Variants in ANKRD26 observed in about 807,000 individuals in gnomAD.
ANKRD26 encodes ankyrin repeat domain-containing protein 26.
ANKRD26 carries 141 observed loss-of-function variants against 208.7 expected under a neutral mutation model. The observed-to-expected ratio is 0.68, with a 90% CI of 0.59 to 0.78. The LOEUF is 0.78. ANKRD26 is among the 30% of genes least tolerant of loss of function. ANKRD26 has a pLI of 0.00. For synonymous variants in ANKRD26, 636 were observed against 660.4 expected (o/e 0.96, Z 0.57); for missense variants, 1,889 against 1,938.7 (o/e 0.97, Z 0.48).
downstream of ANKRD26, among the ~76,000 whole-genome samples, chr10:26,969,001 T>C (rs140860540): frequency 3.9e-5 from 6 of 152,296 alleles, no homozygotes; most frequent in East Asian, 9.6e-4. Context: ...AAATCTCAGA[T>C]TTCAATTGGC....
the ANKRD26 span, among the ~76,000 whole-genome samples, chr10:26,967,085 G>A: frequency 2.0e-5 from 3 of 151,768 alleles, no homozygotes; most frequent in African/African-American, 7.2e-5. Flanking sequence ...CTGGGAGTAA[G>A]TAAGTTTTTG....
intron 28 of ANKRD26, 108 bp from the exon 29 acceptor site, chr10:27,022,795 G>T: frequency 2.9e-6 from 3 of 1,027,726 alleles, no homozygotes; most frequent in Non-Finnish European, 4.2e-6. Context: ...AATGAATCAT[G>T]ATTCTCTCGT....
At chr10:27,067,512 T>C (rs1336784853) in intron 9 of ANKRD26, among the ~76,000 whole-genome samples, 3 of 151,950 alleles carry the variant, frequency 2.0e-5, no homozygotes, top group Non-Finnish European at 4.4e-5. Context: ...ATAGGAGGCA[T>C]AGCAGCTTCT....
chr10:27,017,376 C>T (rs2053331982), intron 30 of ANKRD26, 126 bp downstream of exon 30: 2 of 905,634 alleles, frequency 2.2e-6, no homozygotes. Context: ...GAAACAGATG[C>T]CATCATCCTT....
chr10:26,963,508 C>T, the ANKRD26 span, among the ~76,000 whole-genome samples: 1 of 152,182 alleles, frequency 6.6e-6, no homozygotes. Context: ...TGCTACCATG[C>T]TGCCCATTCC....
rs2053194975 is a variant in ANKRD26 at position 27,013,685 on chromosome 10, CCTTTTA to C, written c.4725-581_4725-576del. On this transcript the variant is annotated intron_variant, in intron 31 of 33. Coordinates refer to ENST00000376087, the MANE Select transcript of ANKRD26 (RefSeq NM_014915.3). ...ATGTGCAAGCATTTGCTTTCACCAC[CCTTTTA>C]CATTTATTTCACCCATTATCTGGAA... Among the ~76,000 whole-genome samples, 3 of 152,116 alleles carry C rather than the reference CCTTTTA, an allele frequency of 2.0e-5. No individual in the cohort carries two copies. The South Asian group carries it at 6.2e-4, about 32-fold the overall frequency.
chr10:27,056,955 G>A (rs1355260180), intron 15 of ANKRD26, among the ~76,000 whole-genome samples: 1 of 152,128 alleles, frequency 6.6e-6, no homozygotes, highest in Non-Finnish European at 1.5e-5. Context: ...AGCTCCAATA[G>A]TAATCTTTCC....
intron 9 of ANKRD26, among the ~76,000 whole-genome samples, chr10:27,068,946 C>A (rs2055371119): frequency 6.6e-6 from 1 of 151,684 alleles, no homozygotes; most frequent in African/African-American, 2.4e-5. Context: ...GTAATCCCAG[C>A]ACTTTGGGAG....
intron 23 of ANKRD26, 100 bp downstream of exon 23, chr10:27,037,086 G>A (rs903002328): frequency 1.0e-5 from 13 of 1,274,278 alleles, no homozygotes; most frequent in East Asian, 2.5e-5. Context: ...AAAAATCCTC[G>A]ACACTTTCCA....
intron 4 of ANKRD26, among the ~76,000 whole-genome samples, chr10:26,998,518 T>A (rs1042017623): frequency 6.6e-6 from 1 of 152,216 alleles, no homozygotes; most frequent in Non-Finnish European, 1.5e-5. Context: ...GAAACAAGTA[T>A]GTGTACCAGC....
At chr10:26,973,034 T>A (rs574647572), downstream of ANKRD26, among the ~76,000 whole-genome samples, 9 of 152,338 alleles carry the variant, frequency 5.9e-5, no homozygotes, top group African/African-American at 2.2e-4. Context: ...TCATTTTTTT[T>A]AAATGTTGCC....
chr10:27,048,119 A>G lies in ANKRD26; in HGVS notation c.1814+682T>C, dbSNP rs187460374. On this transcript the variant is annotated intron_variant, in intron 17 of 33. Coordinates refer to ENST00000376087, the MANE Select transcript of ANKRD26 (RefSeq NM_014915.3). ...ACCTATATAATTTACAGAGACTGAA[A>G]TTTCCCACTGTGTTAAGAGTTGAGC... Among the ~76,000 whole-genome samples, 14 of 152,238 alleles carry G rather than the reference A, an allele frequency of 9.2e-5. No homozygotes were observed. The East Asian group carries it at 2.7e-3, about 29-fold the overall frequency.
intron 6 of ANKRD26, among the ~76,000 whole-genome samples, chr10:27,082,445 T>C (rs1039979886): frequency 9.9e-5 from 15 of 152,136 alleles, no homozygotes; most frequent in African/African-American, 3.6e-4. Flanking sequence ...ACTCTGAGAG[T>C]TAACATAGAA....
At chr10:27,029,591 C>G (rs2053797399) in intron 25 of ANKRD26, among the ~76,000 whole-genome samples, 1 of 152,180 alleles carries the variant, frequency 6.6e-6, no homozygotes, top group Non-Finnish European at 1.5e-5. Flanking sequence ...GTTTATCAAC[C>G]TGCGTTCTAG....
At position 27,100,433 on chromosome 10, in the gene ANKRD26, G is replaced by T. The variant is rs910801961; in HGVS notation, c.-107C>A. 6.6e-7 allele frequency: 1 copy of T among 1,511,782 alleles called. No individual in the cohort carries two copies. Among genetic ancestry groups the T allele is most frequent in the East Asian group, 2.3e-5 (1 of 43,862 alleles). 93.6% of individuals were successfully genotyped at this position (1,511,782 alleles called of 1,614,324 possible). On this transcript the variant is annotated 5_prime_UTR_variant, in exon 1 of 34. Coordinates refer to ENST00000376087, the MANE Select transcript of ANKRD26 (RefSeq NM_014915.3). Reference sequence around the variant, plus strand: ...CCCCGGCTGGCCGCAGCCTCCCAAAGGAAACTCCGCGGTTTCCAATCTCTC... The same window carrying T: ...CCCCGGCTGGCCGCAGCCTCCCAAATGAAACTCCGCGGTTTCCAATCTCTC...
chr10:27,100,239 G>C lies in ANKRD26; in HGVS notation c.88C>G (p.Pro30Ala), dbSNP rs747929058. The C allele has an allele frequency of 3.1e-6, 5 of 1,611,862 alleles. No homozygotes were observed. Among genetic ancestry groups the C allele is most frequent in the Non-Finnish European group, 4.2e-6 (5 of 1,179,734 alleles). ...GGCTGCGAGTAGGCGCCCTCCCCCG[G>C]CTCGCCCCCGCCTCCCGCGCTGCTC... ...QRSSAGGGGEPGEGAYSQPGY... is the reference protein window; with the variant it reads ...QRSSAGGGGEAGEGAYSQPGY... The change falls in exon 1 of 34, where the codon CCG (proline) becomes GCG (alanine). Residue 30 changes from proline to alanine, a missense_variant. Coordinates refer to ENST00000376087, the MANE Select transcript of ANKRD26 (RefSeq NM_014915.3).
intron 3 of ANKRD26, among the ~76,000 whole-genome samples, chr10:26,985,424 G>A (rs901639515): frequency 6.6e-6 from 1 of 152,082 alleles, no homozygotes; most frequent in Admixed American, 6.6e-5. Context: ...ATCATATTTC[G>A]CTTTCCAGTG....
At position 27,082,814 on chromosome 10, in the gene ANKRD26, G is replaced by C; in HGVS notation, c.729C>G (p.Asp243Glu). 1 of 1,589,436 alleles carries C rather than the reference G, an allele frequency of 6.3e-7. No homozygotes were observed. Among genetic ancestry groups the C allele is most frequent in the Non-Finnish European group, 8.6e-7 (1 of 1,166,812 alleles). The change falls in exon 6 of 34, where the codon GAC (aspartate) becomes GAG (glutamate). Residue 243 changes from aspartate (D) to glutamate (E), a missense_variant. Around this residue, in one of 3 missense-constraint regions of ANKRD26, gnomAD observed 1,272 missense variants for 1,273.8 expected, o/e 1.00. Coordinates refer to ENST00000376087, the MANE Select transcript of ANKRD26 (RefSeq NM_014915.3). ...NSNSVDESSEDSLSRLSGKPG... is the reference protein window; with the variant it reads ...NSNSVDESSEESLSRLSGKPG... The stretch of plus-strand genomic sequence containing the variant: ...CTGTAAAATACTACCTGCTTAAGGA[G>C]TCTTCAGAGCTTTCATCCACTATTA...
chr10:27,002,201 G>T (rs1254296407), downstream of ANKRD26, among the ~76,000 whole-genome samples: 3 of 152,176 alleles, frequency 2.0e-5, no homozygotes, highest in African/African-American at 7.2e-5. Context: ...CTGATAAAGG[G>T]TGCTGGAGTC....
Sources: allele counts gnomAD v4.1 joint callset (sites outside exome capture counted in the v4.1 genomes callset), GRCh38; gene constraint gnomAD v4.1.1; regional missense constraint gnomAD v4.1.1; transcripts MANE v1.5; gene names NCBI Gene and HGNC (gene_info 2026-07-23, HGNC 2026-07-21).